DDX60: variants seen among roughly 807,000 people sequenced by gnomAD.
DDX60 encodes the protein probable ATP-dependent RNA helicase DDX60.
DDX60 carries 165 observed loss-of-function variants against 212.8 expected under a neutral mutation model. That is an observed-to-expected ratio of 0.78 (90% confidence interval 0.68 to 0.88). The LOEUF (loss-of-function observed/expected upper bound fraction) is 0.88. DDX60 is among the 40% of genes least tolerant of loss of function. DDX60 has a pLI of 0.00. For missense variants in DDX60, 1,905 were observed against 2,003.9 expected (o/e 0.95, Z 0.94); for synonymous variants, 703 against 685.3 (o/e 1.03, Z -0.40).
At chr4:168,312,080 A>G (rs1737158150) in intron 1 of DDX60, among the ~76,000 whole-genome samples, 1 of 152,142 alleles carries the variant, frequency 6.6e-6, no homozygotes, top group African/African-American at 2.4e-5. Context: ...GACTCACTTG[A>G]AGGACATTTA....
chr4:168,267,420 G>T (rs1011740830), intron 22 of DDX60, among the ~76,000 whole-genome samples, 162 bp downstream of exon 22: 1 of 152,066 alleles, frequency 6.6e-6, no homozygotes, highest in Non-Finnish European at 1.5e-5. Context: ...GAATTAGAAA[G>T]AATACTCTTG....
At chr4:168,282,411 TC>T (rs1203504113) in intron 13 of DDX60, among the ~76,000 whole-genome samples, 2 of 152,200 alleles carry the variant, frequency 1.3e-5, no homozygotes, top group Admixed American at 1.3e-4. Flanking sequence ...ATTTTCCTGA[TC>T]TTGCCAAAAT....
chr4:168,284,151 T>C (rs896593698), intron 12 of DDX60, among the ~76,000 whole-genome samples: 1 of 152,168 alleles, frequency 6.6e-6, no homozygotes, highest in East Asian at 1.9e-4. Flanking sequence ...TTTCTATGTC[T>C]GTAACTACAC....
At position 168,284,952 on chromosome 4, in the gene DDX60, G is replaced by T. The variant is rs185082944; in HGVS notation, c.1446-17C>A. On this transcript the variant is annotated splice_polypyrimidine_tract_variant and intron_variant, in intron 11 of 37. Transcript: ENST00000393743. ...GGATCATCACTGTGAGACAAAAAAAGGCATATTTTAAATTGCACACTTCCA... is the reference window on the plus strand; with the variant it reads ...GGATCATCACTGTGAGACAAAAAAATGCATATTTTAAATTGCACACTTCCA... 2 of 1,343,798 alleles carry T rather than the reference G, an allele frequency of 1.5e-6. No individual in the cohort carries two copies. The highest frequency in any genetic ancestry group is 2.3e-5 in the East Asian group (1 of 42,812). The allele number at this position is 1,343,798 out of a possible 1,614,324, so 83.2% of individuals were successfully genotyped here. A position where few individuals can be genotyped will look rare whatever the true frequency, so the allele number is the denominator to read the frequency against.
intron 22 of DDX60, among the ~76,000 whole-genome samples, chr4:168,264,295 C>T (rs910176350): frequency 3.9e-5 from 6 of 152,100 alleles, no homozygotes; most frequent in African/African-American, 1.4e-4. Flanking sequence ...AACTATAGAA[C>T]GTAAAACAAT....
chr4:168,253,331 G>A (rs1411073842), intron 26 of DDX60, among the ~76,000 whole-genome samples: 2 of 152,120 alleles, frequency 1.3e-5, no homozygotes, highest in African/African-American at 4.8e-5. Context: ...CCTGGGCTTG[G>A]ATGTAAGGTA....
At chr4:168,285,809 G>T (rs1002788750) in intron 10 of DDX60, among the ~76,000 whole-genome samples, 1 of 150,604 alleles carries the variant, frequency 6.6e-6, no homozygotes, top group Admixed American at 6.7e-5. Flanking sequence ...GCATGGATGG[G>T]TGGATGGATG....
intron 14 of DDX60, 87 bp downstream of exon 14, chr4:168,280,248 A>T: frequency 6.7e-7 from 1 of 1,498,854 alleles, no homozygotes; most frequent in South Asian, 1.3e-5. Flanking sequence ...CTTCTAATGC[A>T]AATTTCCAGT....
In DDX60 at chr4:168,221,815, T is replaced by G. The variant is rs746451335; in HGVS notation, c.4891A>C (p.Asn1631His). 6.2e-7 allele frequency: 1 copy of G among 1,613,396 alleles called. No homozygotes were observed. Among genetic ancestry groups the G allele is most frequent in the Non-Finnish European group, 8.5e-7 (1 of 1,179,580 alleles). ...TTAAGCGACATTTTCCTTCCTCGGT[T>G]ATCAAATTTCTGTGACAACAGCACT... ...APVLLSQKFD[N>H]RGRKMSLNAY... Residue 1631 changes from asparagine to histidine, a missense_variant, in exon 36 of 38, where the codon AAC becomes CAC. Coordinates refer to ENST00000393743, the MANE Select transcript of DDX60 (RefSeq NM_017631.6).
chr4:168,283,657 A>T, intron 12 of DDX60, 51 bp from the exon 13 acceptor site: 1 of 1,298,760 alleles, frequency 7.7e-7, no homozygotes. Context: ...TTTCAATAGC[A>T]TTCTCATCAA....
chr4:168,275,940 T>A, intron 15 of DDX60, 75 bp downstream of exon 15: 4 of 1,315,928 alleles, frequency 3.0e-6, no homozygotes, highest in Non-Finnish European at 4.0e-6. Context: ...CTGGAAGAGA[T>A]GACTATCTTT....
chr4:168,314,313 T>C (rs1737269380), intron 1 of DDX60, among the ~76,000 whole-genome samples: 1 of 144,302 alleles, frequency 6.9e-6, no homozygotes, highest in East Asian at 2.0e-4. Flanking sequence ...TAACTAATGA[T>C]TGAACACTCA....
chr4:168,265,885 G>C (rs1169969981), intron 22 of DDX60, among the ~76,000 whole-genome samples: 1 of 128,672 alleles, frequency 7.8e-6, no homozygotes, highest in African/African-American at 3.3e-5. Flanking sequence ...GGGAAGGGAA[G>C]GGAAGGGAAG....
chr4:168,274,147 GTATT>G, intron 16 of DDX60, 64 bp from the exon 17 acceptor site: 1 of 1,586,352 alleles, frequency 6.3e-7, no homozygotes, highest in Non-Finnish European at 8.6e-7. Context: ...AACAAAGACA[GTATT>G]TATAGACTTC....
In DDX60 at chr4:168,221,811, C is replaced by T; in HGVS notation, c.4895G>A (p.Arg1632Gln). 2.5e-6 allele frequency: 4 copies of T among 1,613,268 alleles called. No homozygotes were observed. Among genetic ancestry groups the T allele is most frequent in the Non-Finnish European group, 3.4e-6 (4 of 1,179,550 alleles). Reference sequence around the variant, plus strand: ...GGCATTAAGCGACATTTTCCTTCCTCGGTTATCAAATTTCTGTGACAACAG... The same window carrying T: ...GGCATTAAGCGACATTTTCCTTCCTTGGTTATCAAATTTCTGTGACAACAG... ...PVLLSQKFDNRGRKMSLNAYA... is the reference protein window; with the variant it reads ...PVLLSQKFDNQGRKMSLNAYA... Residue 1632 changes from arginine to glutamine, a missense_variant, in exon 36 of 38, where the codon CGA (arginine) becomes CAA (glutamine). Arg to Gln is a conservative substitution (Grantham distance 43, BLOSUM62 1). Coordinates refer to ENST00000393743, the MANE Select transcript of DDX60 (RefSeq NM_017631.6).
In DDX60 at chr4:168,273,419, T is replaced by A. The variant is rs1459138239; in HGVS notation, c.2455-21A>T. The A allele has an allele frequency of 3.1e-6, 5 of 1,612,726 alleles. No individual in the cohort carries two copies. The East Asian group carries it at 1.1e-4, about 36-fold the overall frequency. ...AGGGCCTGATTGACAAAGAAAAAGA[T>A]CCATTAGTCACATAATAGAGAGAGG... On this transcript the variant is annotated intron_variant, in intron 17 of 37. Transcript: ENST00000393743.
At chr4:168,307,201 C>T (rs1407950519) in intron 4 of DDX60, among the ~76,000 whole-genome samples, 5 of 151,994 alleles carry the variant, frequency 3.3e-5, no homozygotes, top group Admixed American at 6.5e-5. Context: ...TAGCTCTTTA[C>T]ACAAAACATG....
intron 16 of DDX60, 82 bp from the exon 17 acceptor site, chr4:168,274,165 T>C (rs541404756): frequency 1.3e-6 from 2 of 1,537,608 alleles, no homozygotes; most frequent in South Asian, 2.4e-5. Flanking sequence ...AGACTTCCAA[T>C]ACGATTTTCT....
Position 168,269,909 on chromosome 4 carries a change from G to A in DDX60, c.2671-940C>T, listed in dbSNP as rs1172094309. Reference sequence around the variant, plus strand: ...TCTATTATTCAAATGGTAGAGTTCAGCTCAATGCCACTCCATAAAAAAGAC... The same window carrying A: ...TCTATTATTCAAATGGTAGAGTTCAACTCAATGCCACTCCATAAAAAAGAC... On this transcript the variant is annotated intron_variant, in intron 19 of 37. Coordinates refer to ENST00000393743, the MANE Select transcript of DDX60 (RefSeq NM_017631.6). 1.3e-5 allele frequency among the ~76,000 whole-genome samples: 2 copies of A among 152,100 alleles called. 1 individual carries two copies. Among genetic ancestry groups the A allele is most frequent in the Admixed American group, 1.3e-4 (2 of 15,270 alleles).
Sources: allele counts gnomAD v4.1 joint callset (sites outside exome capture counted in the v4.1 genomes callset), GRCh38; gene constraint gnomAD v4.1.1; transcripts MANE v1.5; gene names NCBI Gene and HGNC (gene_info 2026-07-23, HGNC 2026-07-21).